LCMT1: variants seen among roughly 807,000 people sequenced by gnomAD.
LCMT1 encodes the protein leucine carboxyl methyltransferase 1.
A neutral mutation model predicts 47.7 loss-of-function variants in LCMT1; 32 were observed. The ratio of observed to expected loss-of-function variants is 0.67; its 90% CI spans 0.51 to 0.90. The LOEUF is 0.90. Ranked by LOEUF, LCMT1 falls within the 40% of genes least tolerant of loss-of-function variation. LCMT1 has a pLI of 0.00. For synonymous variants in LCMT1, 152 were observed against 149.7 expected, an observed-to-expected ratio of 1.02 and a Z score of -0.11; for missense variants, 375 against 415.2, an observed-to-expected ratio of 0.90 and a Z score of 0.84.
At chr16:25,170,920 CAAAA>C (rs930289657) in intron 9 of LCMT1, 115 bp downstream of exon 9, 7 of 732,264 alleles carry the variant, frequency 9.6e-6, no homozygotes, top group South Asian at 2.2e-5. Flanking sequence ...CATTAAAAAA[CAAAA>C]AACAAACAAA....
intron 1 of LCMT1, among the ~76,000 whole-genome samples, chr16:25,123,287 C>T (rs1237709219): frequency 7.2e-6 from 1 of 138,900 alleles, no homozygotes; most frequent in Non-Finnish European, 1.5e-5. Context: ...TGCAGTGGTG[C>T]AATCTTGGCT....
intron 4 of LCMT1, chr16:25,142,187 T>C (rs115101106): frequency 5.1e-4 from 78 of 152,026 alleles, no homozygotes; most frequent in African/African-American, 1.8e-3. Flanking sequence ...GCGAGAGGAG[T>C]TCAGGTGAGC....
intron 4 of LCMT1, chr16:25,143,482 A>G (rs1222467133): frequency 6.6e-6 from 1 of 152,206 alleles, no homozygotes; most frequent in Non-Finnish European, 1.5e-5. Flanking sequence ...GGGGAGTCCA[A>G]ATTGAGAAAT....
chr16:25,132,884 G>C (rs1177668073), intron 3 of LCMT1, among the ~76,000 whole-genome samples: 5 of 142,678 alleles, frequency 3.5e-5, no homozygotes, highest in African/African-American at 1.5e-4. Context: ...TTGAGCCAGA[G>C]TCTTGCCCTG....
chr16:25,153,026 G>A (rs1567321876), intron 5 of LCMT1, among the ~76,000 whole-genome samples: 1 of 152,102 alleles, frequency 6.6e-6, no homozygotes, highest in East Asian at 1.9e-4. Flanking sequence ...AGGTAACACC[G>A]TGGGCATCAG....
At position 25,140,694 on chromosome 16, in the gene LCMT1, C is replaced by T. The variant is rs73563470; in HGVS notation, c.404+447C>T. The stretch of plus-strand genomic sequence containing the variant: ...CAAAGCACATGAGAGGTAGGAGATG[C>T]GGGTCAGCGTATCTGGTTGCGCTGG... On this transcript the variant is annotated intron_variant, in intron 4 of 10. Transcript: ENST00000399069. The T allele has an allele frequency of 8.5e-3, 1,343 of 158,366 alleles. 19 individuals are homozygous for T. The highest frequency in any genetic ancestry group is 0.031 in the African/African-American group (1,272 of 41,674). The allele number at this position is 158,366 out of a possible 1,614,324, so 9.8% of individuals were successfully genotyped here. A position where few individuals can be genotyped will look rare whatever the true frequency, so the allele number is the denominator to read the frequency against.
At chr16:25,173,487 C>G (rs1961835706) in intron 9 of LCMT1, among the ~76,000 whole-genome samples, 1 of 152,176 alleles carries the variant, frequency 6.6e-6, no homozygotes, top group South Asian at 2.1e-4. Flanking sequence ...AATGAACTCA[C>G]AAATACAGAA....
At chr16:25,165,707 G>C (rs1424689526) in intron 7 of LCMT1, among the ~76,000 whole-genome samples, 1 of 151,588 alleles carries the variant, frequency 6.6e-6, no homozygotes, top group Non-Finnish European at 1.5e-5. Context: ...AGTAGAGATG[G>C]GGTTTCACCA....
chr16:25,143,141 T>A (rs1157813416), intron 4 of LCMT1: 1 of 152,182 alleles, frequency 6.6e-6, no homozygotes, highest in Non-Finnish European at 1.5e-5. Context: ...ACCTTTTGAA[T>A]CTGTCCTAAA....
In LCMT1 at chr16:25,169,174, C is replaced by T; in HGVS notation, c.753C>T (p.Asp251=). ...MIENLRRRQC[D]LAGVETCKSL... is the part of the protein sequence containing the mutation. Reference sequence around the variant, plus strand: ...AAAACCTGCGGAGACGCCAGTGTGACCTGGCGGGAGTGGAGACCTGCAAGT... The same window carrying T: ...AAAACCTGCGGAGACGCCAGTGTGATCTGGCGGGAGTGGAGACCTGCAAGT... The change falls in exon 8 of 11, where the codon GAC becomes GAT. Residue 251 remains aspartate (D), a synonymous_variant. Transcript: ENST00000399069. 6.2e-7 allele frequency: 1 copy of T among 1,613,400 alleles called. No homozygotes were observed. The highest frequency in any genetic ancestry group is 1.3e-5 in the African/African-American group (1 of 75,042).
Position 25,111,782 on chromosome 16 carries a change from C to G in LCMT1, c.-102C>G. 17 of 790,776 alleles carry G rather than the reference C, an allele frequency of 2.1e-5. No individual in the cohort carries two copies. In the Middle Eastern group the frequency reaches 2.0e-3, roughly 93 times the overall value. 49.0% of individuals were successfully genotyped at this position (790,776 alleles called of 1,614,324 possible). On this transcript the variant is annotated 5_prime_UTR_variant, in exon 1 of 11. Transcript: ENST00000399069. ...CAGCTGAGCCAGGTAGGGCCCTACC[C>G]TCTTCTGTTGCTTTCTCCCTGTGGC...
At chr16:25,169,045 A>G in intron 7 of LCMT1, 67 bp from the exon 8 acceptor site, 1 of 1,116,362 alleles carries the variant, frequency 9.0e-7, no homozygotes, top group Non-Finnish European at 1.4e-6. Context: ...AATAGGATGA[A>G]TGATGTTTTA....
At chr16:25,166,492 G>A (rs948733453) in intron 7 of LCMT1, among the ~76,000 whole-genome samples, 5 of 151,922 alleles carry the variant, frequency 3.3e-5, no homozygotes, top group South Asian at 2.1e-4. Flanking sequence ...AGCCTCGACC[G>A]CGGGCTCAGA....
intron 1 of LCMT1, among the ~76,000 whole-genome samples, chr16:25,125,087 T>C (rs2141637185): frequency 6.6e-6 from 1 of 152,286 alleles, no homozygotes; most frequent in East Asian, 1.9e-4. Flanking sequence ...GAATATGAAA[T>C]CAGGATATAC....
intron 6 of LCMT1, among the ~76,000 whole-genome samples, chr16:25,164,129 C>T (rs1286140476): frequency 1.3e-5 from 2 of 152,128 alleles, no homozygotes; most frequent in African/African-American, 2.4e-5. Context: ...TTTCAGTTTT[C>T]CAAGTGCAGC....
chr16:25,121,748 A>G (rs1271696025), intron 1 of LCMT1, among the ~76,000 whole-genome samples: 2 of 152,318 alleles, frequency 1.3e-5, no homozygotes, highest in East Asian at 3.9e-4. Context: ...TGAGAACAGC[A>G]TGGGGGAAAC....
At chr16:25,147,728 A>G (rs1157147661) in intron 4 of LCMT1, 1 of 151,672 alleles carries the variant, frequency 6.6e-6, no homozygotes, top group African/African-American at 2.4e-5. Flanking sequence ...GTCTCACTCC[A>G]TTGCCCAGGT....
At chr16:25,154,474 A>G (rs1009281701) in intron 5 of LCMT1, among the ~76,000 whole-genome samples, 1 of 149,702 alleles carries the variant, frequency 6.7e-6, no homozygotes, top group Non-Finnish European at 1.5e-5. Flanking sequence ...ACGCTTCATA[A>G]CACATGGATG....
rs1193740640 is a variant in LCMT1, at chr16:25,111,892, T to G, written c.9T>G (p.Thr3=). 2 of 1,611,540 alleles carry G rather than the reference T, an allele frequency of 1.2e-6. No individual in the cohort carries two copies. The highest frequency in any genetic ancestry group is 8.5e-7 in the Non-Finnish European group (1 of 1,178,266). ...CAGGAACCTCCACGCCCATGGCCAC[T>G]AGGCAGAGGGAATCCTCTATCACCT... MA[T]RQRESSITSC... The change falls in exon 1 of 11, where the codon ACT becomes ACG. Residue 3 remains threonine (T), a synonymous_variant. Transcript: ENST00000399069.
Sources: allele counts gnomAD v4.1 joint callset (sites outside exome capture counted in the v4.1 genomes callset), GRCh38; gene constraint gnomAD v4.1.1; transcripts MANE v1.5; gene names NCBI Gene and HGNC (gene_info 2026-07-23, HGNC 2026-07-21).